THRAP3: variants seen among roughly 807,000 people sequenced by gnomAD.
THRAP3 encodes thyroid hormone receptor associated protein 3.
A neutral mutation model predicts 101.0 loss-of-function variants in THRAP3; 16 were observed. The observed-to-expected ratio is 0.16, with a 90% CI of 0.11 to 0.24. The LOEUF is 0.24. Ranked by LOEUF, THRAP3 falls within the 10% of genes least tolerant of loss-of-function variation. THRAP3 has a pLI of 1.00. For missense variants in THRAP3, 989 were observed against 1,202.7 expected, an observed-to-expected ratio of 0.82 and a Z score of 2.63; for synonymous variants, 407 against 422.6, an observed-to-expected ratio of 0.96 and a Z score of 0.45.
chr1:36,280,251 A>G (rs1278466082), intron 2 of THRAP3, among the ~76,000 whole-genome samples: 1 of 152,250 alleles, frequency 6.6e-6, no homozygotes, highest in Non-Finnish European at 1.5e-5. Context: ...CCTCAAGGAT[A>G]AAATGAATTA....
chr1:36,280,793 A>G (rs528227996), intron 2 of THRAP3, among the ~76,000 whole-genome samples: 2 of 151,958 alleles, frequency 1.3e-5, no homozygotes, highest in East Asian at 3.9e-4. Context: ...AGAGAAGTAT[A>G]CCTTGTAGAC....
intron 1 of THRAP3, among the ~76,000 whole-genome samples, chr1:36,237,680 A>C (rs1399887572): frequency 1.3e-5 from 2 of 151,920 alleles, no homozygotes; most frequent in Admixed American, 1.3e-4. Flanking sequence ...CTGAGGCCGG[A>C]GAATTGCTTG....
At chr1:36,232,719 C>T (rs980141315) in intron 1 of THRAP3, among the ~76,000 whole-genome samples, 3 of 152,176 alleles carry the variant, frequency 2.0e-5, no homozygotes, top group Non-Finnish European at 4.4e-5. Flanking sequence ...TCCTAGTTCA[C>T]TCAGGTTCTG....
chr1:36,262,070 A>T (rs1379271942), intron 2 of THRAP3, among the ~76,000 whole-genome samples: 2 of 152,244 alleles, frequency 1.3e-5, no homozygotes, highest in Non-Finnish European at 2.9e-5. Context: ...AATACATTTT[A>T]GTAGTCACAT....
chr1:36,273,343 G>T (rs1266726905), intron 2 of THRAP3, among the ~76,000 whole-genome samples: 1 of 152,164 alleles, frequency 6.6e-6, no homozygotes, highest in Non-Finnish European at 1.5e-5. Flanking sequence ...TTTAAGACAA[G>T]AAAATCTCAG....
chr1:36,294,789 C>A (rs1408911082), intron 8 of THRAP3, among the ~76,000 whole-genome samples: 1 of 152,176 alleles, frequency 6.6e-6, no homozygotes, highest in Non-Finnish European at 1.5e-5. Flanking sequence ...CAGAAGAGAT[C>A]TCGTCCTCCA....
chr1:36,281,201 C>A (rs1645727377), intron 2 of THRAP3, among the ~76,000 whole-genome samples: 1 of 152,134 alleles, frequency 6.6e-6, no homozygotes, highest in Non-Finnish European at 1.5e-5. Context: ...GCCACCGCCC[C>A]CAGCTGACTC....
In THRAP3 at chr1:36,289,538, A is replaced by G. The variant is rs367577589; in HGVS notation, c.1519A>G (p.Arg507Gly). The G allele has an allele frequency of 1.9e-5, 31 of 1,614,154 alleles. No homozygotes were observed. The highest frequency in any genetic ancestry group is 2.6e-5 in the Non-Finnish European group (31 of 1,180,028). The change falls in exon 5 of 12, where the codon AGA (arginine) becomes GGA (glycine). Residue 507 changes from arginine (R) to glycine (G), a missense_variant. Transcript: ENST00000354618. The stretch of plus-strand genomic sequence containing the variant: ...ATCCAAAAAGGAAGATCGGGGCAAG[A>G]GAAGCGAAGGTGGGCACAGGGGCTT... ...ERSKKEDRGK[R>G]SEGGHRGFVP... is the part of the protein sequence containing the mutation.
intron 2 of THRAP3, 99 bp from the exon 3 acceptor site, chr1:36,282,434 G>A (rs1331382791): frequency 3.6e-6 from 3 of 821,952 alleles, no homozygotes; most frequent in African/African-American, 1.8e-5. Flanking sequence ...GTCTTCTCAA[G>A]TTGCCCAGAT....
intron 1 of THRAP3, among the ~76,000 whole-genome samples, chr1:36,232,519 A>G (rs1310751222): frequency 6.6e-6 from 1 of 152,192 alleles, no homozygotes; most frequent in East Asian, 1.9e-4. Context: ...TTTTTAATCT[A>G]TCGTGTTTCA....
chr1:36,292,964 C>A (rs949577149), intron 7 of THRAP3, among the ~76,000 whole-genome samples: 1 of 150,894 alleles, frequency 6.6e-6, no homozygotes, highest in Admixed American at 6.6e-5. Flanking sequence ...TGGAAGCTGG[C>A]AAATGTTGCC....
At chr1:36,256,878 C>A (rs1243688479) in intron 1 of THRAP3, among the ~76,000 whole-genome samples, 1 of 152,022 alleles carries the variant, frequency 6.6e-6, no homozygotes, top group Non-Finnish European at 1.5e-5. Context: ...TCACCACAAC[C>A]TCTGCCTCCC....
At chr1:36,223,459 TAC>T (rs1644920000), upstream of THRAP3, among the ~76,000 whole-genome samples, 1 of 152,218 alleles carries the variant, frequency 6.6e-6, no homozygotes, top group African/African-American at 2.4e-5. Flanking sequence ...CCCCGATACT[TAC>T]AGAGTAAGAT....
chr1:36,245,276 C>T (rs962974470), intron 1 of THRAP3, among the ~76,000 whole-genome samples: 3 of 151,692 alleles, frequency 2.0e-5, no homozygotes, highest in Admixed American at 2.0e-4. Flanking sequence ...AAGCGATTCT[C>T]CTGCCTCAAC....
the THRAP3 span, among the ~76,000 whole-genome samples, chr1:36,215,802 T>A: frequency 6.6e-6 from 1 of 151,332 alleles, no homozygotes; most frequent in Non-Finnish European, 1.5e-5. Flanking sequence ...CAGGCTGGAG[T>A]GCAACGGCAC....
the THRAP3 span, among the ~76,000 whole-genome samples, chr1:36,216,147 A>G: frequency 6.6e-6 from 1 of 152,264 alleles, no homozygotes; most frequent in East Asian, 1.9e-4. Context: ...GGAAGGCCTA[A>G]GCAGGAGGAT....
At position 36,287,027 on chromosome 1, in the gene THRAP3, G is replaced by T; in HGVS notation, c.797G>T (p.Arg266Leu). The T allele has an allele frequency of 6.2e-7, 1 of 1,613,912 alleles. No homozygotes were observed. The highest frequency in any genetic ancestry group is 8.5e-7 in the Non-Finnish European group (1 of 1,179,840). The change falls in exon 4 of 12, where the codon CGT becomes CTT. Residue 266 changes from arginine to leucine, a missense_variant. Arg to Leu is a moderately radical substitution (Grantham distance 102, BLOSUM62 -2). Transcript: ENST00000354618. Reference protein sequence around the residue: ...QSVVVRRRSPRPSPVPKPSPP... With the variant: ...QSVVVRRRSPLPSPVPKPSPP... ...GTGGTGGTGAGGCGGCGGTCACCCC[G>T]TCCTAGCCCCGTGCCAAAACCTAGT...
intron 1 of THRAP3, among the ~76,000 whole-genome samples, chr1:36,237,611 A>G (rs1016773004): frequency 2.6e-5 from 4 of 152,062 alleles, no homozygotes; most frequent in African/African-American, 9.7e-5. Flanking sequence ...TCTCTACTAA[A>G]AATACAAAAG....
At chr1:36,224,235 C>A (rs1384564016), upstream of THRAP3, among the ~76,000 whole-genome samples, 1 of 152,250 alleles carries the variant, frequency 6.6e-6, no homozygotes, top group Non-Finnish European at 1.5e-5. Flanking sequence ...GAGGGGACGG[C>A]CCCGAGCAAC....
Sources: allele counts gnomAD v4.1 joint callset (sites outside exome capture counted in the v4.1 genomes callset), GRCh38; gene constraint gnomAD v4.1.1; transcripts MANE v1.5; gene names NCBI Gene and HGNC (gene_info 2026-07-23, HGNC 2026-07-21).